Variants in GPC6 observed in about 807,000 individuals in gnomAD.
GPC6 encodes the protein glypican-6.
Under a neutral mutation model 55.2 loss-of-function variants are expected in GPC6, and 14 were observed. The ratio of observed to expected loss-of-function variants is 0.25; its 90% confidence interval spans 0.17 to 0.40. The LOEUF (loss-of-function observed/expected upper bound fraction) is 0.40. GPC6 is among the 10% of genes least tolerant of loss of function. The pLI, the probability that GPC6 is intolerant of heterozygous loss-of-function variation, is 1.00. For missense variants in GPC6, 641 were observed against 708.5 expected, an observed-to-expected ratio of 0.90 and a Z score of 1.08; for synonymous variants, 278 against 259.6, an observed-to-expected ratio of 1.07 and a Z score of -0.68.
At chr13:93,322,441 T>A (rs1285424083) in intron 1 of GPC6, among the ~76,000 whole-genome samples, 2 of 143,526 alleles carry the variant, frequency 1.4e-5, no homozygotes, top group African/African-American at 5.2e-5. Flanking sequence ...CTTTTTTTTT[T>A]TTTTTTTTTT....
At chr13:93,680,938 G>T (rs1349311104) in intron 2 of GPC6, among the ~76,000 whole-genome samples, 1 of 152,138 alleles carries the variant, frequency 6.6e-6, no homozygotes, top group Non-Finnish European at 1.5e-5. Context: ...GGCTAGGAAG[G>T]GTACCAGACT....
chr13:93,290,767 A>G (rs1381395052), intron 1 of GPC6, among the ~76,000 whole-genome samples: 1 of 152,182 alleles, frequency 6.6e-6, no homozygotes, highest in African/African-American at 2.4e-5. Context: ...TACTGATCTC[A>G]TGATAACTTT....
intron 2 of GPC6, among the ~76,000 whole-genome samples, chr13:93,808,394 T>C (rs954709757): frequency 2.0e-5 from 3 of 152,174 alleles, no homozygotes; most frequent in Non-Finnish European, 2.9e-5. Context: ...GGAAAAAATA[T>C]CATGTAAATT....
intron 3 of GPC6, among the ~76,000 whole-genome samples, chr13:93,947,606 A>C (rs1427171945): frequency 1.3e-5 from 2 of 152,226 alleles, no homozygotes; most frequent in African/African-American, 4.8e-5. Context: ...TTGCTGTGCC[A>C]TGTAAAACGC....
chr13:93,820,807 C>T (rs1439666674), intron 2 of GPC6, among the ~76,000 whole-genome samples: 1 of 151,890 alleles, frequency 6.6e-6, no homozygotes, highest in African/African-American at 2.4e-5. Flanking sequence ...TTTAAAATCA[C>T]TAAATTCACC....
At chr13:93,946,457 CTTAATTCAAAAT>C (rs1879015641) in intron 3 of GPC6, among the ~76,000 whole-genome samples, 1 of 152,036 alleles carries the variant, frequency 6.6e-6, no homozygotes, top group Non-Finnish European at 1.5e-5. Flanking sequence ...ATATGACTTA[CTTAATTCAAAAT>C]TTACCTAATT....
At chr13:93,616,475 A>C (rs552327543) in intron 2 of GPC6, among the ~76,000 whole-genome samples, 1 of 152,246 alleles carries the variant, frequency 6.6e-6, no homozygotes, top group African/African-American at 2.4e-5. Context: ...GGTAAAACAC[A>C]TCTGGTAGAA....
chr13:93,813,937 T>C (rs1237892188), intron 2 of GPC6, among the ~76,000 whole-genome samples: 1 of 152,156 alleles, frequency 6.6e-6, no homozygotes, highest in Admixed American at 6.5e-5. Context: ...TAATGTTCTT[T>C]AGATTTTAAT....
chr13:94,053,745 A>G (rs1361602273), intron 4 of GPC6, among the ~76,000 whole-genome samples: 2 of 152,204 alleles, frequency 1.3e-5, no homozygotes, highest in African/African-American at 2.4e-5. Flanking sequence ...AAACAATTAG[A>G]TATTTCTTTT....
chr13:93,890,393 A>G (rs1343501313), intron 3 of GPC6, among the ~76,000 whole-genome samples: 3 of 152,104 alleles, frequency 2.0e-5, no homozygotes, highest in African/African-American at 7.2e-5. Context: ...ATGCCTTTAT[A>G]TACCTTCAAT....
At chr13:93,328,128 G>A (rs532557100) in intron 1 of GPC6, among the ~76,000 whole-genome samples, 35 of 149,306 alleles carry the variant, frequency 2.3e-4, no homozygotes, top group African/African-American at 6.6e-4. Context: ...TTACTTTTTT[G>A]TAATTTTCTA....
At chr13:93,549,794 A>G (rs1329451514) in intron 2 of GPC6, among the ~76,000 whole-genome samples, 2 of 152,174 alleles carry the variant, frequency 1.3e-5, no homozygotes, top group Non-Finnish European at 2.9e-5. Context: ...ACCCACCTAA[A>G]TATAGTCCAG....
intron 1 of GPC6, among the ~76,000 whole-genome samples, chr13:93,483,273 A>G (rs1476486651): frequency 2.0e-5 from 3 of 152,156 alleles, no homozygotes; most frequent in Admixed American, 2.0e-4. Flanking sequence ...TAGGTTCTCA[A>G]TTAAACCAAT....
chr13:94,162,364 AAC>A (rs1888198373), intron 4 of GPC6, among the ~76,000 whole-genome samples: 3 of 152,196 alleles, frequency 2.0e-5, no homozygotes, highest in South Asian at 2.1e-4. Context: ...TCCAGCAGGA[AAC>A]ACAGTCTTGT....
At chr13:94,387,195 C>T (rs949123450) in intron 7 of GPC6, among the ~76,000 whole-genome samples, 68 of 152,224 alleles carry the variant, frequency 4.5e-4, no homozygotes, top group Middle Eastern at 3.4e-3. Context: ...AACCCACTTT[C>T]ATCCCCCTGC....
intron 2 of GPC6, among the ~76,000 whole-genome samples, chr13:93,810,873 G>A (rs1033512963): frequency 6.6e-6 from 1 of 152,122 alleles, no homozygotes; most frequent in African/African-American, 2.4e-5. Context: ...TACTTACATA[G>A]TTTTGATAAG....
At chr13:93,363,037 A>C (rs1257812239) in intron 1 of GPC6, among the ~76,000 whole-genome samples, 2 of 151,626 alleles carry the variant, frequency 1.3e-5, no homozygotes, top group Non-Finnish European at 2.9e-5. Flanking sequence ...AAAATGTATT[A>C]GTATCTCTAC....
intron 6 of GPC6, among the ~76,000 whole-genome samples, chr13:94,319,029 C>T (rs1328601866): frequency 2.0e-5 from 3 of 152,066 alleles, no homozygotes; most frequent in African/African-American, 7.2e-5. Context: ...TCCAGAATAA[C>T]AATCTTTTTA....
At chr13:94,085,334 A>AG (rs1885242444) in intron 4 of GPC6, among the ~76,000 whole-genome samples, 1 of 150,794 alleles carries the variant, frequency 6.6e-6, no homozygotes, top group Non-Finnish European at 1.5e-5. Flanking sequence ...AAAAAAAAAA[A>AG]AAAAAAAAAA....
Sources: gnomAD v4.1 joint callset for allele counts (sites outside exome capture counted in the v4.1 genomes callset) on GRCh38, gnomAD v4.1.1 for gene constraint, MANE v1.5 for transcripts, NCBI Gene and HGNC (gene_info 2026-07-23, HGNC 2026-07-21) for gene names.